The following UCMA variants were observed in gnomAD, a reference collection of about 807,000 sequenced individuals.
The protein encoded by UCMA is upper zone of growth plate and cartilage matrix associated.
Under a neutral mutation model 21.8 loss-of-function variants are expected in UCMA, and 21 were observed. The observed-to-expected ratio is 0.97, with a 90% confidence interval of 0.68 to 1.39. The LOEUF (loss-of-function observed/expected upper bound fraction) is 1.39. Ranked by LOEUF, UCMA falls within the 40% of genes most tolerant of loss-of-function variation. UCMA has a pLI of 0.00. For missense variants in UCMA, 193 were observed against 178.9 expected (o/e 1.08, Z -0.45); for synonymous variants, 76 against 67.9 (o/e 1.12, Z -0.58).
In UCMA at chr10:13,234,227, C is replaced by A. The variant is rs570437536; in HGVS notation, c.32G>T (p.Cys11Phe). The change falls in exon 1 of 5, where the codon TGC (cysteine) becomes TTC (phenylalanine). Residue 11 changes from cysteine to phenylalanine, a missense_variant. Coordinates refer to ENST00000378681, the MANE Select transcript of UCMA (RefSeq NM_145314.3). The stretch of plus-strand genomic sequence containing the variant: ...AGACAGGAGCACCACGGCGGAGAAG[C>A]AAGACAGCAGGACGGCCTGTCTCCA... MTWRQAVLLS[C>F]FSAVVLLSML... 2 of 1,613,218 alleles carry A rather than the reference C, an allele frequency of 1.2e-6. No homozygotes were observed. Among genetic ancestry groups the A allele is most frequent in the African/African-American group, 2.7e-5 (2 of 74,512 alleles).
chr10:13,225,655 C>G (rs1165506278), intron 4 of UCMA, among the ~76,000 whole-genome samples: 2 of 125,218 alleles, frequency 1.6e-5, no homozygotes, highest in African/African-American at 6.1e-5. Context: ...AGCCTGGTGA[C>G]AGAGCGAGAT....
chr10:13,233,512 G>T, intron 3 of UCMA, 26 bp downstream of exon 3: 1 of 1,596,026 alleles, frequency 6.3e-7, no homozygotes, highest in Non-Finnish European at 8.6e-7. Context: ...GATGGACGCG[G>T]GATGGGGTCC....
chr10:13,223,627 C>T (rs1834787105), intron 4 of UCMA, among the ~76,000 whole-genome samples: 1 of 152,116 alleles, frequency 6.6e-6, no homozygotes, highest in Non-Finnish European at 1.5e-5. Context: ...GATCTCGGCT[C>T]ACTGTAACCT....
intron 4 of UCMA, 71 bp from the exon 5 acceptor site, chr10:13,222,271 C>T: frequency 1.4e-6 from 2 of 1,434,704 alleles, no homozygotes; most frequent in South Asian, 1.2e-5. Context: ...CAGCAGCCAT[C>T]AGCCGAACCC....
In UCMA at chr10:13,233,508, C is replaced by CG. The variant is rs747430974; in HGVS notation, c.220+29dup. The stretch of plus-strand genomic sequence containing the variant: ...GGGTGTGAGCAGAGGTGGTGATGGA[C>CG]GCGGGATGGGGTCCCTCCAGCATCC... On this transcript the variant is annotated intron_variant, in intron 3 of 4. Transcript: ENST00000378681. 1.0e-5 allele frequency: 16 copies of CG among 1,583,354 alleles called. No individual in the cohort carries two copies. The Admixed American group carries it at 1.5e-4, about 15-fold the overall frequency.
chr10:13,224,343 G>A (rs903415928), intron 4 of UCMA, among the ~76,000 whole-genome samples: 2 of 149,554 alleles, frequency 1.3e-5, no homozygotes, highest in African/African-American at 4.9e-5. Flanking sequence ...AAGAAAGGAA[G>A]CGGTGGGGAG....
chr10:13,222,354 AGAGTATGT>A (rs1232349572), intron 4 of UCMA, among the ~76,000 whole-genome samples, 154 bp from the exon 5 acceptor site: 12 of 152,208 alleles, frequency 7.9e-5, no homozygotes, highest in African/African-American at 2.9e-4. Context: ...GTGAGGATCC[AGAGTATGT>A]GAGCTGACAA....
intron 4 of UCMA, among the ~76,000 whole-genome samples, chr10:13,228,776 C>T (rs1834858049): frequency 6.6e-6 from 1 of 151,912 alleles, no homozygotes; most frequent in Non-Finnish European, 1.5e-5. Flanking sequence ...GCGGTGATGC[C>T]CAAATAGGAG....
At chr10:13,233,496 G>C (rs1349864391) in intron 3 of UCMA, 42 bp downstream of exon 3, 97 of 1,532,848 alleles carry the variant, frequency 6.3e-5, no homozygotes, top group Non-Finnish European at 8.6e-5. Context: ...TGTGAGCAGA[G>C]GTGGTGATGG....
chr10:13,229,132 C>T (rs1390685807), intron 4 of UCMA, among the ~76,000 whole-genome samples: 2 of 151,946 alleles, frequency 1.3e-5, no homozygotes, highest in African/African-American at 4.8e-5. Context: ...GATGGGGTTT[C>T]GCCATGTTGG....
chr10:13,231,230 T>C (rs1564404232), intron 3 of UCMA, among the ~76,000 whole-genome samples: 1 of 152,178 alleles, frequency 6.6e-6, no homozygotes, highest in African/African-American at 2.4e-5. Context: ...GGAATGTTTC[T>C]TCCCAAACGT....
chr10:13,228,304 C>T (rs191376619), intron 4 of UCMA, among the ~76,000 whole-genome samples: 4 of 152,036 alleles, frequency 2.6e-5, no homozygotes, highest in Non-Finnish European at 4.4e-5. Flanking sequence ...TCAAGTGATC[C>T]GCCCACCTCA....
intron 4 of UCMA, among the ~76,000 whole-genome samples, chr10:13,229,315 G>A (rs12780441): frequency 0.57 from 86,562 of 151,518 alleles, 25,059 homozygotes; most frequent in East Asian, 0.69. Flanking sequence ...TAAAAGTTCA[G>A]TACCAGCCTG....
Position 13,233,576 on chromosome 10 carries a change from C to A in UCMA, c.182G>T (p.Arg61Leu). ...ESDASNFLKR[R>L]GKRSPKSRDE... is the part of the protein sequence containing the mutation. ...TCTGGACTTGGGGGACCGCTTGCCGCGCCTCTTGAGGAAATTCGAGGCATC... is the reference window on the plus strand; with the variant it reads ...TCTGGACTTGGGGGACCGCTTGCCGAGCCTCTTGAGGAAATTCGAGGCATC... The change falls in exon 3 of 5, where the codon CGC becomes CTC. Residue 61 changes from arginine to leucine, a missense_variant. Coordinates refer to ENST00000378681, the MANE Select transcript of UCMA (RefSeq NM_145314.3). 2 of 1,614,040 alleles carry A rather than the reference C, an allele frequency of 1.2e-6. No individual in the cohort carries two copies. Among genetic ancestry groups the A allele is most frequent in the Non-Finnish European group, 1.7e-6 (2 of 1,180,014 alleles).
chr10:13,222,673 CT>C (rs138939237), intron 4 of UCMA, among the ~76,000 whole-genome samples: 7 of 151,014 alleles, frequency 4.6e-5, no homozygotes, highest in Non-Finnish European at 1.0e-4. Flanking sequence ...AATTAATTTT[CT>C]TTTTTTTTCT....
Position 13,231,032 on chromosome 10 carries a change from G to A in UCMA, c.221-1323C>T, listed in dbSNP as rs560084270. 3.0e-4 allele frequency among the ~76,000 whole-genome samples: 45 copies of A among 151,774 alleles called. No homozygotes were observed. The South Asian group carries it at 9.0e-3, about 30-fold the overall frequency. Reference sequence around the variant, plus strand: ...ACTGCACTCCAGCCTGGGCAACAGAGCGAGACTCTGTCTTAAAATAAATAA... The same window carrying A: ...ACTGCACTCCAGCCTGGGCAACAGAACGAGACTCTGTCTTAAAATAAATAA... On this transcript the variant is annotated intron_variant, in intron 3 of 4. Coordinates refer to ENST00000378681, the MANE Select transcript of UCMA (RefSeq NM_145314.3).
intron 4 of UCMA, among the ~76,000 whole-genome samples, chr10:13,227,741 A>AAAACACACAC (rs1564402774): frequency 2.9e-4 from 8 of 27,512 alleles, no homozygotes; most frequent in East Asian, 1.5e-3. Flanking sequence ...AAGGAAAGGA[A>AAAACACACAC]ATACACACAC....
rs1337383927 is a variant in UCMA at position 13,233,649 on chromosome 10, G to A, written c.125-16C>T. 3 of 1,613,932 alleles carry A rather than the reference G, an allele frequency of 1.9e-6. No homozygotes were observed. Among genetic ancestry groups the A allele is most frequent in the African/African-American group, 1.3e-5 (1 of 74,886 alleles). On this transcript the variant is annotated splice_polypyrimidine_tract_variant and intron_variant, in intron 2 of 4. Coordinates refer to ENST00000378681, the MANE Select transcript of UCMA (RefSeq NM_145314.3). ...TGTTTTGCATCTGAAACCCGGGAGA[G>A]GCCTGTCACCAGCAGTGTGGGGGTG...
chr10:13,227,714 CA>C lies in UCMA; in HGVS notation c.319+1896del, dbSNP rs56236207. ...CCTGGGTGACAGAATGAGACTGTCT[CA>C]AAAAAAAAAAAAAAAAAGGAAAGGA... On this transcript the variant is annotated intron_variant, in intron 4 of 4. Coordinates refer to ENST00000378681, the MANE Select transcript of UCMA (RefSeq NM_145314.3). 8.1e-3 allele frequency among the ~76,000 whole-genome samples: 432 copies of C among 53,546 alleles called. 1 individual carries two copies. Among genetic ancestry groups the C allele is most frequent in the African/African-American group, 0.021 (281 of 13,206 alleles). The allele number at this position is 53,546 out of a possible 152,430, so 35.1% of individuals were successfully genotyped here.
Sources: gnomAD v4.1 joint callset for allele counts (sites outside exome capture counted in the v4.1 genomes callset) on GRCh38, gnomAD v4.1.1 for gene constraint, MANE v1.5 for transcripts, NCBI Gene and HGNC (gene_info 2026-07-23, HGNC 2026-07-21) for gene names.